The following NALCN variants were observed in gnomAD, a reference collection of about 807,000 sequenced individuals.
The protein encoded by NALCN is sodium leak channel NALCN.
NALCN carries 111 observed loss-of-function variants against 225.3 expected under a neutral mutation model. The observed-to-expected ratio is 0.49, with a 90% CI of 0.42 to 0.58. The LOEUF (loss-of-function observed/expected upper bound fraction) is 0.58. Ranked by LOEUF, NALCN falls within the 20% of genes least tolerant of loss-of-function variation. NALCN has a pLI of 0.00. For missense variants in NALCN, 1,378 were observed against 2,202.4 expected (o/e 0.63, Z 7.49); for synonymous variants, 764 against 769.0 (o/e 0.99, Z 0.11).
At chr13:101,099,558 A>G (rs193265120) in intron 27 of NALCN, among the ~76,000 whole-genome samples, 30 of 152,326 alleles carry the variant, frequency 2.0e-4, no homozygotes, top group African/African-American at 6.7e-4. Flanking sequence ...TAGTTTATAC[A>G]TCAGCAGTGG....
intron 13 of NALCN, among the ~76,000 whole-genome samples, chr13:101,197,365 G>A (rs17622100): frequency 0.22 from 32,986 of 151,518 alleles, 3,723 homozygotes; most frequent in East Asian, 0.37. Context: ...GCTGCTATTC[G>A]GAGAAAATGG....
At chr13:101,291,130 T>C (rs867884935) in intron 9 of NALCN, among the ~76,000 whole-genome samples, 1 of 152,200 alleles carries the variant, frequency 6.6e-6, no homozygotes, top group Non-Finnish European at 1.5e-5. Context: ...GAAACAATAT[T>C]GCTATGGAAC....
chr13:101,186,532 G>A (rs972488222), intron 14 of NALCN, among the ~76,000 whole-genome samples: 1 of 152,150 alleles, frequency 6.6e-6, no homozygotes, highest in Admixed American at 6.5e-5. Flanking sequence ...AATTTTTTGT[G>A]AACTGGGGAA....
intron 15 of NALCN, among the ~76,000 whole-genome samples, chr13:101,167,058 T>G (rs1345819726): frequency 6.6e-6 from 1 of 152,242 alleles, no homozygotes; most frequent in Non-Finnish European, 1.5e-5. Context: ...CTCTCTATTC[T>G]GTTCCACTGG....
intron 43 of NALCN, among the ~76,000 whole-genome samples, 169 bp from the exon 44 acceptor site, chr13:101,055,657 AT>A (rs138944235): frequency 2.9e-3 from 431 of 150,412 alleles, no homozygotes; most frequent in African/African-American, 9.8e-3. Flanking sequence ...TTCACGATAG[AT>A]TTTTTTTTTA....
At chr13:101,399,598 G>A (rs1427978703) in intron 1 of NALCN, among the ~76,000 whole-genome samples, 4 of 152,076 alleles carry the variant, frequency 2.6e-5, no homozygotes, top group Admixed American at 6.5e-5. Flanking sequence ...AATTTAATAC[G>A]ACATTCACAG....
chr13:101,257,482 A>C (rs1360825333), intron 11 of NALCN, among the ~76,000 whole-genome samples: 2 of 152,172 alleles, frequency 1.3e-5, no homozygotes. Context: ...TAACCAAATC[A>C]ATTTTTAAAT....
chr13:101,072,242 A>C (rs141354705), intron 37 of NALCN, among the ~76,000 whole-genome samples: 2 of 152,368 alleles, frequency 1.3e-5, no homozygotes, highest in Non-Finnish European at 2.9e-5. Flanking sequence ...GACCTGCTCC[A>C]CACAAGATTG....
chr13:101,159,411 G>A (rs1281393721), intron 15 of NALCN, among the ~76,000 whole-genome samples: 1 of 152,110 alleles, frequency 6.6e-6, no homozygotes, highest in African/African-American at 2.4e-5. Context: ...GCTTGCAGTC[G>A]CCCCCTCCGG....
chr13:101,170,831 A>T (rs1372890885), intron 15 of NALCN, among the ~76,000 whole-genome samples: 1 of 152,176 alleles, frequency 6.6e-6, no homozygotes, highest in Non-Finnish European at 1.5e-5. Context: ...CTTTTCGATG[A>T]TTCCTCCCCT....
chr13:101,126,882 G>C (rs2036260097), intron 17 of NALCN, among the ~76,000 whole-genome samples: 1 of 152,186 alleles, frequency 6.6e-6, no homozygotes, highest in African/African-American at 2.4e-5. Context: ...GGAGATGGAA[G>C]ACTCAGCTGG....
intron 15 of NALCN, among the ~76,000 whole-genome samples, chr13:101,171,640 T>C (rs1305935363): frequency 6.6e-6 from 1 of 152,092 alleles, no homozygotes. Context: ...TATGGTTATA[T>C]GATTGAGGTG....
At chr13:101,298,518 C>T (rs1442105441) in intron 7 of NALCN, among the ~76,000 whole-genome samples, 9 of 152,128 alleles carry the variant, frequency 5.9e-5, no homozygotes, top group African/African-American at 1.2e-4. Flanking sequence ...GACAGGGTTT[C>T]GTCATGTTGG....
intron 43 of NALCN, among the ~76,000 whole-genome samples, chr13:101,055,754 G>GA (rs965546530): frequency 6.6e-5 from 10 of 151,820 alleles, no homozygotes; most frequent in African/African-American, 2.2e-4. Flanking sequence ...AAAAAAACTA[G>GA]AAAATCACTA....
chr13:101,319,148 G>C (rs971732854), intron 7 of NALCN, among the ~76,000 whole-genome samples: 1 of 152,150 alleles, frequency 6.6e-6, no homozygotes, highest in Non-Finnish European at 1.5e-5. Flanking sequence ...GATGAGCCCA[G>C]ACAAAATGGA....
At chr13:101,111,065 A>G (rs1449328230) in intron 19 of NALCN, 60 bp downstream of exon 19, 13 of 1,534,482 alleles carry the variant, frequency 8.5e-6, no homozygotes, top group Non-Finnish European at 9.9e-6. Context: ...TACAGCGACC[A>G]TTTCCTGTAA....
At chr13:101,235,500 A>C (rs1392143584) in intron 12 of NALCN, among the ~76,000 whole-genome samples, 1 of 129,140 alleles carries the variant, frequency 7.7e-6, no homozygotes, top group East Asian at 2.9e-4. Flanking sequence ...TAAGGTAGGT[A>C]CTCAATGGCC....
intron 11 of NALCN, among the ~76,000 whole-genome samples, chr13:101,255,285 A>G (rs17622300): frequency 0.18 from 28,104 of 152,170 alleles, 2,774 homozygotes; most frequent in East Asian, 0.38. Context: ...TTCTTAAGGT[A>G]TGAGGATAAA....
chr13:101,175,068 G>T (rs1457060742), intron 15 of NALCN, among the ~76,000 whole-genome samples: 1 of 152,178 alleles, frequency 6.6e-6, no homozygotes, highest in African/African-American at 2.4e-5. Context: ...ATAAAGGAAT[G>T]TCCCAACTCT....
Sources: allele counts gnomAD v4.1 joint callset (sites outside exome capture counted in the v4.1 genomes callset), GRCh38; gene constraint gnomAD v4.1.1; transcripts MANE v1.5; gene names NCBI Gene and HGNC (gene_info 2026-07-23, HGNC 2026-07-21).